The following LRMDA variants were observed in gnomAD, a reference collection of about 807,000 sequenced individuals.
LRMDA encodes the protein leucine-rich melanocyte differentiation-associated protein.
A neutral mutation model predicts 29.8 loss-of-function variants in LRMDA; 18 were observed. That is an observed-to-expected ratio of 0.60 (90% CI 0.42 to 0.90). LRMDA has a LOEUF of 0.90. Among genes scored for constraint, LRMDA ranks in the 40% least tolerant of loss-of-function variants. LRMDA has a pLI of 0.00. For synonymous variants in LRMDA, 125 were observed against 109.4 expected (o/e 1.14, Z -0.89); for missense variants, 273 against 273.9 (o/e 1.00, Z 0.02).
chr10:75,922,358 G>T (rs539116849), intron 2 of LRMDA, among the ~76,000 whole-genome samples: 6 of 152,324 alleles, frequency 3.9e-5, no homozygotes, highest in African/African-American at 1.4e-4. Flanking sequence ...GAATGGTTGA[G>T]ATGACCTTGC....
At chr10:76,250,206 C>G (rs1180919523) in intron 5 of LRMDA, among the ~76,000 whole-genome samples, 3 of 152,164 alleles carry the variant, frequency 2.0e-5, no homozygotes, top group Admixed American at 2.0e-4. Flanking sequence ...GGAAGGTGCA[C>G]TGATTCCCAA....
chr10:75,860,402 A>C (rs1198789502), intron 2 of LRMDA, among the ~76,000 whole-genome samples: 1 of 142,220 alleles, frequency 7.0e-6, no homozygotes, highest in Non-Finnish European at 1.5e-5. Context: ...GCTCACTGCA[A>C]CCTCTGCCTC....
chr10:76,505,714 T>A (rs971665307), intron 6 of LRMDA, among the ~76,000 whole-genome samples: 8 of 152,134 alleles, frequency 5.3e-5, no homozygotes, highest in African/African-American at 1.9e-4. Context: ...TTCTTCTTGA[T>A]CTCAATGAGC....
At chr10:75,921,902 A>G (rs974123572) in intron 2 of LRMDA, among the ~76,000 whole-genome samples, 4 of 151,902 alleles carry the variant, frequency 2.6e-5, no homozygotes, top group African/African-American at 9.7e-5. Flanking sequence ...GCCCACCTCT[A>G]TTTTCTGTCA....
chr10:76,238,122 C>G (rs141827789), intron 5 of LRMDA, among the ~76,000 whole-genome samples: 6 of 152,022 alleles, frequency 3.9e-5, no homozygotes, highest in Admixed American at 2.0e-4. Context: ...GTCTCCTCTA[C>G]GCGAGGTCTT....
At chr10:75,715,774 C>T (rs1250485280) in intron 2 of LRMDA, among the ~76,000 whole-genome samples, 1 of 151,892 alleles carries the variant, frequency 6.6e-6, no homozygotes, top group Non-Finnish European at 1.5e-5. Context: ...GTCTCTCCTT[C>T]CTTCCCTTTT....
At chr10:75,556,028 G>C (rs1840209273) in intron 2 of LRMDA, among the ~76,000 whole-genome samples, 1 of 152,116 alleles carries the variant, frequency 6.6e-6, no homozygotes. Context: ...ATTGTGAACA[G>C]GGATGCAGGG....
intron 6 of LRMDA, among the ~76,000 whole-genome samples, chr10:76,365,085 CATAT>C (rs554375602): frequency 1.3e-4 from 9 of 69,760 alleles, no homozygotes; most frequent in South Asian, 8.1e-4. Flanking sequence ...CACACACACA[CATAT>C]ATATATATAT....
At chr10:75,432,079 A>C (rs933436428) in intron 1 of LRMDA, among the ~76,000 whole-genome samples, 9 of 152,382 alleles carry the variant, frequency 5.9e-5, no homozygotes, top group Middle Eastern at 3.4e-3. Context: ...GCCCACAGAA[A>C]ATGTTCCAAT....
At chr10:75,479,163 A>C (rs1044962551) in intron 2 of LRMDA, among the ~76,000 whole-genome samples, 5 of 152,124 alleles carry the variant, frequency 3.3e-5, no homozygotes, top group African/African-American at 1.2e-4. Flanking sequence ...CCAAGTGTAT[A>C]GTGAGGTGAC....
At chr10:76,152,410 A>C (rs1733539370) in intron 5 of LRMDA, among the ~76,000 whole-genome samples, 1 of 152,206 alleles carries the variant, frequency 6.6e-6, no homozygotes, top group Admixed American at 6.5e-5. Flanking sequence ...TATTTTATCT[A>C]TCCATTAATC....
intron 5 of LRMDA, among the ~76,000 whole-genome samples, chr10:76,069,113 A>G (rs1445299604): frequency 6.6e-6 from 1 of 152,190 alleles, no homozygotes; most frequent in East Asian, 1.9e-4. Context: ...ACCCTCTGGG[A>G]GGTGTGTTTT....
chr10:75,657,609 A>G (rs1358656578), intron 2 of LRMDA, among the ~76,000 whole-genome samples: 2 of 152,272 alleles, frequency 1.3e-5, no homozygotes, highest in South Asian at 4.1e-4. Flanking sequence ...TAAAATGGGG[A>G]TAACACCAGT....
intron 2 of LRMDA, among the ~76,000 whole-genome samples, chr10:75,537,600 A>G (rs1255318180): frequency 6.6e-6 from 1 of 152,178 alleles, no homozygotes; most frequent in Non-Finnish European, 1.5e-5. Flanking sequence ...GCCCGTAAGG[A>G]TGGAAGTTCA....
At chr10:75,439,640 G>A (rs945926049) in intron 2 of LRMDA, among the ~76,000 whole-genome samples, 1 of 152,204 alleles carries the variant, frequency 6.6e-6, no homozygotes, top group Non-Finnish European at 1.5e-5. Context: ...GGGGCACCCT[G>A]AGGGTTGTAG....
At chr10:76,486,277 T>C (rs1842781558) in intron 6 of LRMDA, among the ~76,000 whole-genome samples, 1 of 151,952 alleles carries the variant, frequency 6.6e-6, no homozygotes, top group Non-Finnish European at 1.5e-5. Context: ...AATTCCAATG[T>C]CAATTAAGTT....
chr10:75,904,998 G>C (rs183829926), intron 2 of LRMDA, among the ~76,000 whole-genome samples: 3 of 151,876 alleles, frequency 2.0e-5, no homozygotes, highest in Admixed American at 2.0e-4. Flanking sequence ...GAGAGGGGGA[G>C]AAAGGGAAAA....
chr10:75,703,573 C>A (rs1378145469), intron 2 of LRMDA, among the ~76,000 whole-genome samples: 2 of 152,184 alleles, frequency 1.3e-5, no homozygotes, highest in Admixed American at 6.5e-5. Flanking sequence ...ATACAGCTTG[C>A]AATTAAGCAT....
In LRMDA at chr10:76,371,701, A is replaced by T. The variant is rs111557725; in HGVS notation, c.601+47216A>T. Among the ~76,000 whole-genome samples the T allele has an allele frequency of 1.8e-3, 278 of 152,260 alleles. 1 individual carries two copies. Among genetic ancestry groups the T allele is most frequent in the African/African-American group, 6.4e-3 (265 of 41,546 alleles). On this transcript the variant is annotated intron_variant, in intron 6 of 6. Coordinates refer to ENST00000611255, the MANE Select transcript of LRMDA (RefSeq NM_001305581.2). ...GGGCTGAGTAACTTCTTTCTCCTTT[A>T]TTCTTCCATATGCTAGGTGAGTTGG...
Sources: allele counts gnomAD v4.1 joint callset (sites outside exome capture counted in the v4.1 genomes callset), GRCh38; gene constraint gnomAD v4.1.1; transcripts MANE v1.5; gene names NCBI Gene and HGNC (gene_info 2026-07-23, HGNC 2026-07-21).